CNTNAP2: variants seen among roughly 807,000 people sequenced by gnomAD.
The protein encoded by CNTNAP2 is contactin-associated protein-like 2.
Under a neutral mutation model 155.2 loss-of-function variants are expected in CNTNAP2, and 98 were observed. That is an observed-to-expected ratio of 0.63 (90% CI 0.54 to 0.75). CNTNAP2 has a LOEUF of 0.75. Among genes scored for constraint, CNTNAP2 ranks in the 30% least tolerant of loss-of-function variants. The pLI is 0.00. For missense variants in CNTNAP2, 1,727 were observed against 1,688.1 expected (o/e 1.02, Z -0.40); for synonymous variants, 651 against 631.2 (o/e 1.03, Z -0.47).
chr7:147,537,320 GAATA>G (rs1799560327), intron 11 of CNTNAP2, among the ~76,000 whole-genome samples: 1 of 152,110 alleles, frequency 6.6e-6, no homozygotes, highest in African/African-American at 2.4e-5. Flanking sequence ...ATAAAGCTAT[GAATA>G]AATCTGTATG....
chr7:147,226,995 A>T (rs188781232), intron 8 of CNTNAP2, among the ~76,000 whole-genome samples: 405 of 152,360 alleles, frequency 2.7e-3, no homozygotes, highest in African/African-American at 9.1e-3. Context: ...AATAAATTAT[A>T]GTGTATATTA....
chr7:148,313,851 G>T (rs1008518857), intron 21 of CNTNAP2, among the ~76,000 whole-genome samples: 1 of 152,158 alleles, frequency 6.6e-6, no homozygotes, highest in Non-Finnish European at 1.5e-5. Context: ...CAGGGTTGCT[G>T]CCAAACAAGC....
intron 1 of CNTNAP2, among the ~76,000 whole-genome samples, chr7:146,500,638 C>T (rs940314896): frequency 3.9e-5 from 6 of 152,232 alleles, no homozygotes; most frequent in South Asian, 4.1e-4. Context: ...TATCCAAAGA[C>T]GTGTCTGTGA....
chr7:146,622,893 G>T (rs746017896), intron 1 of CNTNAP2, among the ~76,000 whole-genome samples: 2 of 150,658 alleles, frequency 1.3e-5, no homozygotes, highest in Non-Finnish European at 2.9e-5. Context: ...GCCAGCGGAG[G>T]TTGCAGTGAG....
intron 13 of CNTNAP2, among the ~76,000 whole-genome samples, chr7:147,705,236 G>T (rs1203182348): frequency 1.3e-5 from 2 of 151,744 alleles, no homozygotes; most frequent in South Asian, 2.1e-4. Context: ...CCATAGTTTT[G>T]GTATACTACG....
At chr7:146,680,686 G>A (rs552728787) in intron 1 of CNTNAP2, among the ~76,000 whole-genome samples, 2 of 152,272 alleles carry the variant, frequency 1.3e-5, no homozygotes, top group African/African-American at 4.8e-5. Context: ...CGTGTGTTCT[G>A]AAATAAAAGC....
chr7:148,093,362 C>T (rs999834409), intron 15 of CNTNAP2, among the ~76,000 whole-genome samples: 3 of 152,198 alleles, frequency 2.0e-5, no homozygotes, highest in Admixed American at 6.5e-5. Context: ...ATTTTTAATA[C>T]AGCATTTCTC....
chr7:147,010,189 T>A (rs1290843805), intron 3 of CNTNAP2, among the ~76,000 whole-genome samples: 7 of 151,940 alleles, frequency 4.6e-5, no homozygotes, highest in African/African-American at 1.7e-4. Context: ...TTTGTATTTT[T>A]AATAGAGACA....
intron 1 of CNTNAP2, among the ~76,000 whole-genome samples, chr7:146,392,368 T>TCAAA (rs2129106779): frequency 6.6e-6 from 1 of 150,626 alleles, no homozygotes; most frequent in Non-Finnish European, 1.5e-5. Flanking sequence ...AAATAAAAAA[T>TCAAA]CAAACAAAAC....
At chr7:148,021,988 A>C in intron 15 of CNTNAP2, among the ~76,000 whole-genome samples, 1 of 152,096 alleles carries the variant, frequency 6.6e-6, no homozygotes, top group Non-Finnish European at 1.5e-5. Context: ...AAGGAACAGA[A>C]GGCTGTGGCC....
At chr7:146,648,569 G>A (rs1042552801) in intron 1 of CNTNAP2, among the ~76,000 whole-genome samples, 5 of 152,040 alleles carry the variant, frequency 3.3e-5, no homozygotes, top group African/African-American at 1.2e-4. Context: ...TTGAGTCTAA[G>A]AGACCAAATA....
At chr7:147,132,581 TG>T in intron 8 of CNTNAP2, 72 bp downstream of exon 8, 1 of 1,592,514 alleles carries the variant, frequency 6.3e-7, no homozygotes, top group African/African-American at 1.3e-5. Flanking sequence ...GTGCTTTGTT[TG>T]GTTTTGCTGG....
intron 1 of CNTNAP2, among the ~76,000 whole-genome samples, chr7:146,220,911 C>A (rs939867215): frequency 1.3e-5 from 2 of 152,230 alleles, no homozygotes; most frequent in Admixed American, 6.5e-5. Flanking sequence ...TCACCTTCCT[C>A]CTGACCCTTC....
chr7:146,669,418 A>T (rs1230230181), intron 1 of CNTNAP2, among the ~76,000 whole-genome samples: 2 of 152,202 alleles, frequency 1.3e-5, no homozygotes, highest in Non-Finnish European at 2.9e-5. Context: ...AGTAATATAC[A>T]CAGGAGACAG....
chr7:146,693,415 C>T (rs1040241963), intron 1 of CNTNAP2, among the ~76,000 whole-genome samples: 1 of 151,496 alleles, frequency 6.6e-6, no homozygotes, highest in East Asian at 1.9e-4. Flanking sequence ...TTTCTTCTTA[C>T]TCTCTATATG....
chr7:146,928,508 C>T (rs546717047), intron 3 of CNTNAP2, among the ~76,000 whole-genome samples: 15 of 152,256 alleles, frequency 9.9e-5, no homozygotes, highest in East Asian at 7.7e-4. Context: ...GCATGAACGA[C>T]GCAGAAGACG....
At chr7:147,773,244 G>A (rs1240658706) in intron 13 of CNTNAP2, among the ~76,000 whole-genome samples, 2 of 152,126 alleles carry the variant, frequency 1.3e-5, no homozygotes, top group Non-Finnish European at 2.9e-5. Context: ...ATTTATGCTG[G>A]TGCAGAGGTC....
chr7:147,933,297 T>C (rs1361616896), intron 14 of CNTNAP2, among the ~76,000 whole-genome samples: 1 of 152,160 alleles, frequency 6.6e-6, no homozygotes, highest in African/African-American at 2.4e-5. Context: ...AGTTGCCATA[T>C]GATTTAATAA....
Position 147,416,420 on chromosome 7 carries a change from C to T in CNTNAP2, c.1670+20640C>T, listed in dbSNP as rs917403639. 5.9e-5 allele frequency among the ~76,000 whole-genome samples: 9 copies of T among 152,220 alleles called. No homozygotes were observed. In the East Asian group the frequency reaches 1.7e-3, roughly 29 times the overall value. Reference sequence around the variant, plus strand: ...ACTCCACATTGAGCCAATAAAGTTCCTTTTTTTGTGAGTGCAGACTTAGTT... The same window carrying T: ...ACTCCACATTGAGCCAATAAAGTTCTTTTTTTTGTGAGTGCAGACTTAGTT... On this transcript the variant is annotated intron_variant, in intron 10 of 23. Transcript: ENST00000361727.
Sources: gnomAD v4.1 joint callset for allele counts (sites outside exome capture counted in the v4.1 genomes callset) on GRCh38, gnomAD v4.1.1 for gene constraint, MANE v1.5 for transcripts, NCBI Gene and HGNC (gene_info 2026-07-23, HGNC 2026-07-21) for gene names.